ANKLE1: variants seen among roughly 807,000 people sequenced by gnomAD.
ANKLE1 encodes structure-specific endonuclease ANKLE1.
A neutral mutation model predicts 56.2 loss-of-function variants in ANKLE1; 59 were observed. That is an observed-to-expected ratio of 1.05 (90% CI 0.85 to 1.30). ANKLE1 has a LOEUF of 1.30. Ranked by LOEUF, ANKLE1 falls within the 50% of genes most tolerant of loss-of-function variation. ANKLE1 has a pLI of 0.00. For synonymous variants in ANKLE1, 341 were observed against 352.9 expected, an observed-to-expected ratio of 0.97 and a Z score of 0.38; for missense variants, 771 against 816.1, an observed-to-expected ratio of 0.94 and a Z score of 0.67.
At chr19:17,284,300 C>G (rs746152585) in intron 6 of ANKLE1, 34 bp downstream of exon 6, 4 of 1,596,688 alleles carry the variant, frequency 2.5e-6, no homozygotes, top group Non-Finnish European at 3.4e-6. Context: ...GAAATAGAAA[C>G]TAGAAAATTT....
At position 17,281,905 on chromosome 19, in the gene ANKLE1, C is replaced by G. The variant is rs930363038; in HGVS notation, c.-16C>G. 1.3e-5 allele frequency: 20 copies of G among 1,535,082 alleles called. No homozygotes were observed. In the Admixed American group the frequency reaches 3.7e-4, roughly 29 times the overall value. ...AATCGACCGACCAGGCGGTGCGCTT[C>G]GGACCCAGCCAGGGCATGTGCTCGG... is the stretch of plus-strand genomic sequence containing the variant. On this transcript the variant is annotated 5_prime_UTR_variant, in exon 1 of 9. Transcript: ENST00000404085.
chr19:17,284,393 AT>A (rs2145639047), intron 6 of ANKLE1, 127 bp downstream of exon 6: 5 of 963,176 alleles, frequency 5.2e-6, no homozygotes, highest in Non-Finnish European at 6.0e-6. Context: ...CTTTTTTTTT[AT>A]TTTTTTAAGA....
chr19:17,283,642 C>A lies in ANKLE1; in HGVS notation c.878C>A (p.Ser293Tyr). ...PNAAGFQSSPSSMPLLDRSPA... is the reference protein window; with the variant it reads ...PNAAGFQSSPYSMPLLDRSPA... ...GCTGCTGGCTTCCAGTCCTCCCCTTCCTCCATGCCTCTCCTGGACAGGAGT... is the reference window on the plus strand; with the variant it reads ...GCTGCTGGCTTCCAGTCCTCCCCTTACTCCATGCCTCTCCTGGACAGGAGT... The change falls in exon 5 of 9, where the codon TCC becomes TAC. Residue 293 changes from serine (S) to tyrosine (Y), a missense_variant. Physicochemically the swap from Ser to Tyr is moderately radical, Grantham distance 144. Coordinates refer to ENST00000404085, the MANE Select transcript of ANKLE1 (RefSeq NM_152363.6). 6.2e-7 allele frequency: 1 copy of A among 1,613,014 alleles called. No homozygotes were observed. The highest frequency in any genetic ancestry group is 8.5e-7 in the Non-Finnish European group (1 of 1,179,532).
chr19:17,286,334 G>A (rs749469408), intron 8 of ANKLE1, 46 bp from the exon 9 acceptor site: 4 of 1,516,888 alleles, frequency 2.6e-6, no homozygotes, highest in Non-Finnish European at 3.5e-6. Flanking sequence ...TGGATGGGGA[G>A]GTGTCCCCAT....
Position 17,282,075 on chromosome 19 carries a change from G to A in ANKLE1, c.81G>A (p.Leu27=), listed in dbSNP as rs1442269168. The A allele has an allele frequency of 1.6e-5, 25 of 1,539,710 alleles. No homozygotes were observed. Among genetic ancestry groups the A allele is most frequent in the Non-Finnish European group, 1.8e-5 (21 of 1,146,634 alleles). Residue 27 remains leucine (L), a synonymous_variant, in exon 2 of 9, where the codon CTG becomes CTA. Coordinates refer to ENST00000404085, the MANE Select transcript of ANKLE1 (RefSeq NM_152363.6). ...TTTGCAGGGCAGTAGAGGAGCTGCTGCGCTGCGGCGCGGACCCTAATTTGG... is the reference window on the plus strand; with the variant it reads ...TTTGCAGGGCAGTAGAGGAGCTGCTACGCTGCGGCGCGGACCCTAATTTGG... ...EEEPWAVEEL[L]RCGADPNLVL... is the part of the protein sequence containing the mutation.
In ANKLE1 at chr19:17,283,275, C is replaced by G. The variant is rs1365845522; in HGVS notation, c.511C>G (p.Gln171Glu). Residue 171 changes from glutamine (Q) to glutamate (E), a missense_variant, in exon 5 of 9, where the codon CAA becomes GAA. By Grantham distance (29) the Gln-to-Glu change is conservative. Coordinates refer to ENST00000404085, the MANE Select transcript of ANKLE1 (RefSeq NM_152363.6). ...TGAGACGCTGGACTCCATAGCACTC[C>G]AAAAGCAGCCATGCAGAGGTGACAA... The part of the protein sequence containing the change: ...TDETLDSIAL[Q>E]KQPCRGDNRD... 6.2e-7 allele frequency: 1 copy of G among 1,613,508 alleles called. No homozygotes were observed. The highest frequency in any genetic ancestry group is 2.2e-5 in the East Asian group (1 of 44,890).
In ANKLE1 at chr19:17,285,561, C is replaced by T; in HGVS notation, c.1507C>T (p.Leu503Phe). 6.2e-7 allele frequency: 1 copy of T among 1,613,894 alleles called. No individual in the cohort carries two copies. Among genetic ancestry groups the T allele is most frequent in the Non-Finnish European group, 8.5e-7 (1 of 1,179,876 alleles). The stretch of plus-strand genomic sequence containing the variant: ...GCCATATGTCCACCTCTGGGAGGCC[C>T]TTGGTCACCATGGGCGGTCAAGAAA... ...ARPYVHLWEA[L>F]GHHGRSRKQP... Residue 503 changes from leucine to phenylalanine, a missense_variant, in exon 7 of 9, where the codon CTT becomes TTT. Transcript: ENST00000404085.
At position 17,284,114 on chromosome 19, in the gene ANKLE1, A is replaced by C. The variant is rs1260391671; in HGVS notation, c.1224A>C (p.Leu408=). Residue 408 remains leucine, a synonymous_variant, in exon 6 of 9, where the codon CTA becomes CTC. Coordinates refer to ENST00000404085, the MANE Select transcript of ANKLE1 (RefSeq NM_152363.6). ...GCCCAGAGTTTTCAGGGCACAGCCT[A>C]GAACTGGCTGCAGCCCTGCGGACGG... ...APGPEFSGHS[L]ELAAALRTGC... The C allele has an allele frequency of 6.2e-7, 1 of 1,613,966 alleles. No individual in the cohort carries two copies. Among genetic ancestry groups the C allele is most frequent in the Admixed American group, 1.7e-5 (1 of 60,012 alleles).
rs1226363104 is a variant in ANKLE1, at chr19:17,282,171, C to T, written c.177C>T (p.Leu59=). 2.0e-6 allele frequency: 3 copies of T among 1,530,678 alleles called. No individual in the cohort carries two copies. The highest frequency in any genetic ancestry group is 2.0e-5 in the Admixed American group (1 of 50,080). 94.8% of individuals were successfully genotyped at this position (1,530,678 alleles called of 1,614,324 possible). Residue 59 remains leucine, a synonymous_variant, in exon 2 of 9, where the codon CTC becomes CTT. Coordinates refer to ENST00000404085, the MANE Select transcript of ANKLE1 (RefSeq NM_152363.6). Reference sequence around the variant, plus strand: ...GGCACCCGCGCGGCCTGCGTTGCCTCGGGGCCCTACTGCGCCAAGGCGGGG... The same window carrying T: ...GGCACCCGCGCGGCCTGCGTTGCCTTGGGGCCCTACTGCGCCAAGGCGGGG... ...GARHPRGLRC[L]GALLRQGGDP...
chr19:17,283,581 G>GC lies in ANKLE1; in HGVS notation c.820dup (p.Arg274ProfsTer32), dbSNP rs754895068. ...TCAGGGCACGGAGGCAGAACTGAAT[G>GC]CCCGTCTGCAGGCCCTGACTCTGAC... On this transcript the variant is annotated frameshift_variant, in exon 5 of 9. Transcript: ENST00000404085. LOFTEE classifies it high-confidence loss of function. The GC allele has an allele frequency of 6.2e-7, 1 of 1,612,294 alleles. No individual in the cohort carries two copies. The highest frequency in any genetic ancestry group is 8.5e-7 in the Non-Finnish European group (1 of 1,179,244).
intron 8 of ANKLE1, 29 bp from the exon 9 acceptor site, chr19:17,286,351 C>G (rs773020640): frequency 6.5e-7 from 1 of 1,529,476 alleles, no homozygotes; most frequent in Non-Finnish European, 8.8e-7. Flanking sequence ...CCATGGCTGC[C>G]CCTGTGACCC....
At chr19:17,282,425 C>T in intron 2 of ANKLE1, 2 of 854,608 alleles carry the variant, frequency 2.3e-6, no homozygotes, top group Non-Finnish European at 3.6e-6. Context: ...TGCGCTAGGA[C>T]CAAAGTGGGG....
chr19:17,282,802 CCA>C, intron 3 of ANKLE1, 41 bp downstream of exon 3: 1 of 1,575,166 alleles, frequency 6.3e-7, no homozygotes. Context: ...CTGGGTGAGC[CCA>C]GAGGGAGGGA....
At chr19:17,282,012 G>T in intron 1 of ANKLE1, 30 bp downstream of exon 1, 1 of 1,536,084 alleles carries the variant, frequency 6.5e-7, no homozygotes, top group African/African-American at 1.4e-5. Context: ...CGGGCCAGGA[G>T]TGGGGGTCTT....
At chr19:17,285,369 A>T (rs2074019516) in intron 6 of ANKLE1, 62 bp from the exon 7 acceptor site, 3 of 1,597,840 alleles carry the variant, frequency 1.9e-6, no homozygotes, top group Non-Finnish European at 2.6e-6. Context: ...TGTGACTTTA[A>T]GGACTGCCTC....
rs951152454 is a variant in ANKLE1, at chr19:17,283,351, C to T, written c.587C>T (p.Pro196Leu). 1 of 1,613,676 alleles carries T rather than the reference C, an allele frequency of 6.2e-7. No individual in the cohort carries two copies. The highest frequency in any genetic ancestry group is 1.1e-5 in the South Asian group (1 of 91,082). The change falls in exon 5 of 9, where the codon CCC (proline) becomes CTC (leucine). Residue 196 changes from proline (P) to leucine (L), a missense_variant. Transcript: ENST00000404085. ...CCAGGACCCCCCAGCCTCCCTGTTC[C>T]CCTTGAAACTGTGGACAAACATGGG... The part of the protein sequence containing the change: ...ADPGPPSLPV[P>L]LETVDKHGSS...
rs1238094389 is a variant in ANKLE1 at position 17,283,269 on chromosome 19, G to A, written c.505G>A (p.Ala169Thr). The A allele has an allele frequency of 1.2e-6, 2 of 1,613,528 alleles. No homozygotes were observed. Among genetic ancestry groups the A allele is most frequent in the South Asian group, 1.1e-5 (1 of 91,072 alleles). Residue 169 changes from alanine (A) to threonine (T), a missense_variant, in exon 5 of 9, where the codon GCA (alanine) becomes ACA (threonine). Ala to Thr is a moderately conservative substitution (Grantham distance 58). Transcript: ENST00000404085. ...GPTDETLDSI[A>T]LQKQPCRGDN... ...TACCGATGAGACGCTGGACTCCATAGCACTCCAAAAGCAGCCATGCAGAGG... is the reference window on the plus strand; with the variant it reads ...TACCGATGAGACGCTGGACTCCATAACACTCCAAAAGCAGCCATGCAGAGG...
In ANKLE1 at chr19:17,284,128, C is replaced by T. The variant is rs762892589; in HGVS notation, c.1238C>T (p.Ala413Val). 1.9e-6 allele frequency: 3 copies of T among 1,613,896 alleles called. No individual in the cohort carries two copies. Among genetic ancestry groups the T allele is most frequent in the Middle Eastern group, 1.6e-4 (1 of 6,062 alleles). Residue 413 changes from alanine to valine, a missense_variant, in exon 6 of 9, where the codon GCC (alanine) becomes GTC (valine). Physicochemically the swap from Ala to Val is moderately conservative, Grantham distance 64 (BLOSUM62 0). Transcript: ENST00000404085. The stretch of plus-strand genomic sequence containing the variant: ...GGGCACAGCCTAGAACTGGCTGCAG[C>T]CCTGCGGACGGGCTGTATTCCAGAT... ...FSGHSLELAA[A>V]LRTGCIPDVQ...
Position 17,285,756 on chromosome 19 carries a change from T to C in ANKLE1, c.1612T>C (p.Cys538Arg). Residue 538 changes from cysteine (C) to arginine (R), a missense_variant, in exon 8 of 9, where the codon TGC (cysteine) becomes CGC (arginine). Coordinates refer to ENST00000404085, the MANE Select transcript of ANKLE1 (RefSeq NM_152363.6). ...TGGTTGCGGTGTTGTGTCCCTACATTGCTTCCAGCACGTGGTCGCTGTGGA... is the reference window on the plus strand; with the variant it reads ...TGGTTGCGGTGTTGTGTCCCTACATCGCTTCCAGCACGTGGTCGCTGTGGA... ...ASGCGVVSLH[C>R]FQHVVAVEAY... 1 of 1,613,906 alleles carries C rather than the reference T, an allele frequency of 6.2e-7. No individual in the cohort carries two copies. Among genetic ancestry groups the C allele is most frequent in the Non-Finnish European group, 8.5e-7 (1 of 1,179,874 alleles).
Sources: allele counts gnomAD v4.1 joint callset, GRCh38; gene constraint gnomAD v4.1.1; transcripts MANE v1.5; gene names NCBI Gene and HGNC (gene_info 2026-07-23, HGNC 2026-07-21).